Variants in SORCS3 observed in about 807,000 individuals in gnomAD.
SORCS3 encodes the protein VPS10 domain-containing receptor SorCS3.
In SORCS3, 57 loss-of-function variants were observed where a neutral mutation model predicts 146.3. That is an observed-to-expected ratio of 0.39 (90% CI 0.31 to 0.49). The LOEUF (loss-of-function observed/expected upper bound fraction) is 0.49. Among genes scored for constraint, SORCS3 ranks in the 20% least tolerant of loss-of-function variants. The probability of loss-of-function intolerance (pLI) is 0.92; values close to 1 mark genes in which losing one functional copy is unlikely to be tolerated. For synonymous variants in SORCS3, 653 were observed against 618.5 expected (o/e 1.06, Z -0.83); for missense variants, 1,341 against 1,575.5 (o/e 0.85, Z 2.52).
At chr10:104,748,059 C>T (rs545540445) in intron 1 of SORCS3, among the ~76,000 whole-genome samples, 1 of 152,352 alleles carries the variant, frequency 6.6e-6, no homozygotes, top group African/African-American at 2.4e-5. Flanking sequence ...GTAGTAAGCA[C>T]AATAACCAAT....
intron 1 of SORCS3, among the ~76,000 whole-genome samples, chr10:104,776,449 T>A (rs2017309136): frequency 6.6e-6 from 1 of 152,172 alleles, no homozygotes; most frequent in Admixed American, 6.5e-5. Flanking sequence ...ACATTTGCCT[T>A]TGGAAAATGG....
chr10:105,194,430 G>T (rs2056533575), intron 14 of SORCS3, among the ~76,000 whole-genome samples: 1 of 152,066 alleles, frequency 6.6e-6, no homozygotes, highest in Non-Finnish European at 1.5e-5. Flanking sequence ...TGATTATGTT[G>T]GTGAAAATAT....
chr10:105,132,284 T>A (rs2056024983), intron 7 of SORCS3, among the ~76,000 whole-genome samples: 1 of 152,188 alleles, frequency 6.6e-6, no homozygotes, highest in African/African-American at 2.4e-5. Flanking sequence ...TTACCATGTA[T>A]GGTACTGGTA....
At chr10:105,180,968 T>C (rs2119567648) in intron 14 of SORCS3, among the ~76,000 whole-genome samples, 1 of 152,330 alleles carries the variant, frequency 6.6e-6, no homozygotes, top group East Asian at 1.9e-4. Context: ...TATTAGTTGT[T>C]GAATATCTTT....
chr10:104,885,372 G>A (rs2133578810), intron 2 of SORCS3, among the ~76,000 whole-genome samples: 1 of 152,180 alleles, frequency 6.6e-6, no homozygotes, highest in East Asian at 1.9e-4. Flanking sequence ...ACACACTTGT[G>A]TTTCAAGTGA....
chr10:105,049,678 G>C (rs888937018), intron 5 of SORCS3, among the ~76,000 whole-genome samples: 2 of 152,022 alleles, frequency 1.3e-5, no homozygotes, highest in Non-Finnish European at 2.9e-5. Flanking sequence ...AAAATGGATG[G>C]AGCTAGAGGC....
chr10:105,201,406 G>A (rs1174699369), intron 16 of SORCS3, among the ~76,000 whole-genome samples, 153 bp downstream of exon 16: 1 of 152,198 alleles, frequency 6.6e-6, no homozygotes, highest in Non-Finnish European at 1.5e-5. Flanking sequence ...CAGTTACTGG[G>A]CCAGATGGGA....
At chr10:104,972,300 A>G (rs963944377) in intron 3 of SORCS3, among the ~76,000 whole-genome samples, 2 of 152,208 alleles carry the variant, frequency 1.3e-5, no homozygotes, top group African/African-American at 4.8e-5. Context: ...ATACAATATT[A>G]ACAGAGAACT....
chr10:104,662,814 C>G (rs534976465), intron 1 of SORCS3, among the ~76,000 whole-genome samples: 1 of 152,330 alleles, frequency 6.6e-6, no homozygotes, highest in African/African-American at 2.4e-5. Context: ...CCAGATCACA[C>G]AGGCATTGCA....
chr10:104,685,288 G>T (rs1236141270), intron 1 of SORCS3, among the ~76,000 whole-genome samples: 4 of 152,202 alleles, frequency 2.6e-5, no homozygotes, highest in African/African-American at 9.6e-5. Flanking sequence ...ATGCTGCTCT[G>T]TGTCCAAGAA....
At chr10:105,125,081 G>A (rs2055963889) in intron 7 of SORCS3, among the ~76,000 whole-genome samples, 2 of 152,150 alleles carry the variant, frequency 1.3e-5, no homozygotes, top group Non-Finnish European at 2.9e-5. Flanking sequence ...GGTCAGGAAG[G>A]GGTGGAAGAG....
At chr10:104,886,280 T>C (rs1476016654) in intron 2 of SORCS3, among the ~76,000 whole-genome samples, 2 of 152,186 alleles carry the variant, frequency 1.3e-5, no homozygotes, top group Non-Finnish European at 1.5e-5. Context: ...TCTATTTGCA[T>C]TCCTTTACTC....
intron 13 of SORCS3, 110 bp downstream of exon 13, chr10:105,167,459 C>A: frequency 1.3e-6 from 1 of 744,304 alleles, no homozygotes; most frequent in Non-Finnish European, 2.2e-6. Context: ...ATTTCCTCAT[C>A]CATTTATTTA....
intron 1 of SORCS3, among the ~76,000 whole-genome samples, chr10:104,722,189 G>T (rs564416468): frequency 7.7e-4 from 117 of 152,184 alleles, no homozygotes; most frequent in Non-Finnish European, 2.4e-4. Context: ...TAGCATGAAG[G>T]GTTGTTGAAT....
intron 2 of SORCS3, among the ~76,000 whole-genome samples, chr10:104,849,084 T>C (rs190867787): frequency 9.9e-5 from 15 of 152,224 alleles, no homozygotes; most frequent in African/African-American, 3.1e-4. Flanking sequence ...ATATATTATA[T>C]CCTATTTTTC....
At chr10:105,012,208 C>T (rs1249749817) in intron 4 of SORCS3, among the ~76,000 whole-genome samples, 1 of 152,134 alleles carries the variant, frequency 6.6e-6, no homozygotes, top group Non-Finnish European at 1.5e-5. Flanking sequence ...TTTCCAAAAG[C>T]TTCTGTCTCC....
chr10:105,045,578 G>T lies in SORCS3; in HGVS notation c.1028+2450G>T, dbSNP rs191871056. On this transcript the variant is annotated intron_variant, in intron 5 of 26. Coordinates refer to ENST00000369701, the MANE Select transcript of SORCS3 (RefSeq NM_014978.3). ...TCAGGGTTTTCTAAAGCTCTAAACC[G>T]CTTATATTGAAGATATATGTTTTGT... 3.4e-4 allele frequency among the ~76,000 whole-genome samples: 51 copies of T among 151,972 alleles called. 1 individual carries two copies. In the East Asian group the frequency reaches 7.4e-3, roughly 22 times the overall value.
At chr10:105,096,822 T>C (rs1189817397) in intron 6 of SORCS3, among the ~76,000 whole-genome samples, 1 of 152,188 alleles carries the variant, frequency 6.6e-6, no homozygotes, top group Admixed American at 6.5e-5. Context: ...GCTTTAAGTA[T>C]AAAATACATA....
chr10:105,010,862 G>A lies in SORCS3; in HGVS notation c.955-32193G>A, dbSNP rs150691236. On this transcript the variant is annotated intron_variant, in intron 4 of 26. Transcript: ENST00000369701. ...CTGCCTTGGCTCTGACAGAGTGTTA[G>A]CTAAACCTCATATAGTGGTATAGTG... 8.5e-3 allele frequency among the ~76,000 whole-genome samples: 1,289 copies of A among 152,214 alleles called. 9 individuals are homozygous for A. The highest frequency in any genetic ancestry group is 0.048 in the Middle Eastern group (14 of 294).
Sources: gnomAD v4.1 joint callset for allele counts (sites outside exome capture counted in the v4.1 genomes callset) on GRCh38, gnomAD v4.1.1 for gene constraint, MANE v1.5 for transcripts, NCBI Gene and HGNC (gene_info 2026-07-23, HGNC 2026-07-21) for gene names.